The following THOC1 variants were observed in gnomAD, a reference collection of about 807,000 sequenced individuals.
THOC1 encodes THO complex subunit 1, also known as THO complex 1.
A neutral mutation model predicts 97.3 loss-of-function variants in THOC1; 29 were observed. The ratio of observed to expected loss-of-function variants is 0.30; its 90% CI spans 0.22 to 0.41. The LOEUF is 0.41. Among genes scored for constraint, THOC1 ranks in the 10% least tolerant of loss-of-function variants. The pLI, the probability that THOC1 is intolerant of heterozygous loss-of-function variation, is 1.00. For synonymous variants in THOC1, 255 were observed against 257.0 expected, an observed-to-expected ratio of 0.99 and a Z score of 0.07; for missense variants, 529 against 761.9, an observed-to-expected ratio of 0.69 and a Z score of 3.60.
chr18:236,240 C>T (rs1275130890), intron 11 of THOC1, among the ~76,000 whole-genome samples: 1 of 149,904 alleles, frequency 6.7e-6, no homozygotes, highest in East Asian at 2.0e-4. Flanking sequence ...ATTTTGTGTT[C>T]TTTTATTTTC....
At chr18:243,322 A>G (rs990512416) in intron 11 of THOC1, among the ~76,000 whole-genome samples, 2 of 152,350 alleles carry the variant, frequency 1.3e-5, no homozygotes, top group African/African-American at 4.8e-5. Context: ...AAGTGAATGG[A>G]GAATGATATA....
chr18:263,246 A>G (rs1040130760), intron 4 of THOC1, among the ~76,000 whole-genome samples: 1 of 151,138 alleles, frequency 6.6e-6, no homozygotes, highest in African/African-American at 2.4e-5. Flanking sequence ...GCGCCCGGCT[A>G]ATTTTTTTAT....
rs1026129377 is a variant in THOC1, at chr18:242,427, A to G, written c.918+3897T>C. Among the ~76,000 whole-genome samples the G allele has an allele frequency of 1.0e-4, 15 of 144,312 alleles. No individual in the cohort carries two copies. The highest frequency in any genetic ancestry group is 2.2e-4 in the Non-Finnish European group (14 of 64,456). The allele number at this position is 144,312 out of a possible 152,430, so 94.7% of individuals were successfully genotyped here. A position where few individuals can be genotyped will look rare whatever the true frequency, so the allele number is the denominator to read the frequency against. The stretch of plus-strand genomic sequence containing the variant: ...CAGGAGGTGGAAGTTACAGTGGGCC[A>G]AAAAAAAAGTGTCTCAAAAAAAAAA... On this transcript the variant is annotated intron_variant, in intron 11 of 20. Transcript: ENST00000261600. This position sits in a 1 kb window ranked among gnomAD's most constrained non-coding sequence, Gnocchi z 4.5.
chr18:218,847 T>A, intron 18 of THOC1, 39 bp downstream of exon 18: 1 of 1,512,756 alleles, frequency 6.6e-7, no homozygotes, highest in Non-Finnish European at 9.0e-7. Flanking sequence ...AGAAACAAAT[T>A]GAAGAAAATT....
chr18:262,759 G>GGT (rs1364823084), intron 4 of THOC1, among the ~76,000 whole-genome samples: 1 of 152,152 alleles, frequency 6.6e-6, no homozygotes, highest in African/African-American at 2.4e-5. Flanking sequence ...TATACTGGGA[G>GGT]GTGTGTGCCA....
At chr18:228,153 G>A (rs775394546) in intron 11 of THOC1, among the ~76,000 whole-genome samples, 26 of 152,080 alleles carry the variant, frequency 1.7e-4, no homozygotes, top group Non-Finnish European at 3.7e-4. Flanking sequence ...CCACGGACAG[G>A]CCCATCTCTG....
At chr18:218,806 G>T in intron 18 of THOC1, 80 bp downstream of exon 18, 2 of 1,199,214 alleles carry the variant, frequency 1.7e-6, no homozygotes, top group Non-Finnish European at 2.4e-6. Flanking sequence ...TCTCTTAAGA[G>T]GCTTTCTAGT....
chr18:237,443 C>T (rs1911746643), intron 11 of THOC1, among the ~76,000 whole-genome samples: 1 of 152,128 alleles, frequency 6.6e-6, no homozygotes, highest in Non-Finnish European at 1.5e-5. Flanking sequence ...GAGCGTGAGC[C>T]ACCACACTGG....
In THOC1 at chr18:239,184, G is replaced by A. The variant is rs961290741; in HGVS notation, c.918+7140C>T. ...ATATGAATTTACAGAATATTCTTAC[G>A]CTATCCGGTAAAGTTTTAATATTCT... On this transcript the variant is annotated intron_variant, in intron 11 of 20. Coordinates refer to ENST00000261600, the MANE Select transcript of THOC1 (RefSeq NM_005131.3). Among the ~76,000 whole-genome samples, 4 of 152,170 alleles carry A rather than the reference G, an allele frequency of 2.6e-5. No homozygotes were observed. In the East Asian group the frequency reaches 7.7e-4, roughly 29 times the overall value.
chr18:221,711 C>T (rs1034107385), intron 17 of THOC1, among the ~76,000 whole-genome samples: 2 of 151,354 alleles, frequency 1.3e-5, no homozygotes, highest in Non-Finnish European at 2.9e-5. Flanking sequence ...CAGGTTCACG[C>T]CATTCTCCTG....
chr18:223,384 CATTCT>C lies in THOC1; in HGVS notation c.1370+51_1370+55del, dbSNP rs1026296801. 8 of 1,364,396 alleles carry C rather than the reference CATTCT, an allele frequency of 5.9e-6. No homozygotes were observed. The African/African-American group carries it at 1.2e-4, about 20-fold the overall frequency. The allele number at this position is 1,364,396 out of a possible 1,614,324, so 84.5% of individuals were successfully genotyped here. ...TCTGATCATAGCTGAGAAAAGGCTC[CATTCT>C]ACTCAACACTTGACAAAAGCAACAC... On this transcript the variant is annotated intron_variant, in intron 17 of 20. Transcript: ENST00000261600.
chr18:216,020 C>G (rs1910873297), intron 19 of THOC1, among the ~76,000 whole-genome samples: 1 of 152,178 alleles, frequency 6.6e-6, no homozygotes, highest in Non-Finnish European at 1.5e-5. Flanking sequence ...GTGGCGAGAT[C>G]TCGGCTCACT....
chr18:247,740 G>C, intron 10 of THOC1, 109 bp downstream of exon 10: 7 of 653,974 alleles, frequency 1.1e-5, no homozygotes, highest in Non-Finnish European at 1.9e-5. Context: ...GTATAAAAAT[G>C]TAAGAGGCAG....
rs371727324 is a variant in THOC1 at position 217,525 on chromosome 18, C to T, written c.1455-892G>A. ...AGTGATAAATTAATATTCTTTCAAT[C>T]GACAAACACTTTTGAGCCAGGCACT... On this transcript the variant is annotated intron_variant, in intron 18 of 20. Coordinates refer to ENST00000261600, the MANE Select transcript of THOC1 (RefSeq NM_005131.3). Among the ~76,000 whole-genome samples the T allele has an allele frequency of 8.3e-4, 126 of 152,256 alleles. 1 individual carries two copies. The highest frequency in any genetic ancestry group is 2.7e-3 in the African/African-American group (113 of 41,532).
intron 4 of THOC1, chr18:260,662 T>A (rs1912576967): frequency 6.5e-6 from 1 of 154,070 alleles, no homozygotes; most frequent in Non-Finnish European, 1.4e-5. Context: ...CACAGAGAGG[T>A]TAAATAACTT....
At chr18:265,221 A>T in intron 3 of THOC1, 82 bp downstream of exon 3, 1 of 1,127,314 alleles carries the variant, frequency 8.9e-7, no homozygotes, top group Non-Finnish European at 1.3e-6. Flanking sequence ...TTAAATATCC[A>T]TTCTAAGAAA....
chr18:246,103 A>G (rs545867190), intron 11 of THOC1: 23 of 345,638 alleles, frequency 6.7e-5, no homozygotes, highest in South Asian at 5.6e-4. Flanking sequence ...ATTAGTTTAC[A>G]AAACAGACTT....
At chr18:225,291 A>G (rs1315977902) in intron 13 of THOC1, 46 bp downstream of exon 13, 2 of 1,603,660 alleles carry the variant, frequency 1.2e-6, no homozygotes. Flanking sequence ...AGAAAATCCT[A>G]AATTTCCATT....
intron 11 of THOC1, among the ~76,000 whole-genome samples, chr18:231,577 TTAAG>T (rs1226990240): frequency 2.6e-5 from 4 of 152,338 alleles, no homozygotes; most frequent in East Asian, 1.9e-4. Context: ...AAAGGTATAG[TTAAG>T]TAATACAACA....
Sources: gnomAD v4.1 joint callset for allele counts (sites outside exome capture counted in the v4.1 genomes callset) on GRCh38, gnomAD v4.1.1 for gene constraint, Gnocchi (gnomAD v3.1) non-coding constraint, MANE v1.5 for transcripts, NCBI Gene and HGNC (gene_info 2026-07-23, HGNC 2026-07-21) for gene names.